Variants in RNF13 observed in about 807,000 individuals in gnomAD.
The protein encoded by RNF13 is ring finger protein 13.
In RNF13, 19 loss-of-function variants were observed where a neutral mutation model predicts 37.7. The ratio of observed to expected loss-of-function variants is 0.50; its 90% CI spans 0.35 to 0.74. The LOEUF (loss-of-function observed/expected upper bound fraction) is 0.74, where lower values mean the gene tolerates loss of function less well. Among genes scored for constraint, RNF13 ranks in the 30% least tolerant of loss-of-function variants. The pLI is 0.01. For synonymous variants in RNF13, 144 were observed against 157.8 expected (o/e 0.91, Z 0.65); for missense variants, 375 against 453.0 (o/e 0.83, Z 1.56).
intron 4 of RNF13, among the ~76,000 whole-genome samples, chr3:149,893,425 A>C (rs549054454): frequency 6.6e-6 from 1 of 152,328 alleles, no homozygotes; most frequent in East Asian, 1.9e-4. Context: ...TGTCTTTGGC[A>C]ACAGTTACTT....
chr3:149,886,003 GT>G (rs1713986782), intron 4 of RNF13, among the ~76,000 whole-genome samples: 1 of 152,160 alleles, frequency 6.6e-6, no homozygotes, highest in African/African-American at 2.4e-5. Flanking sequence ...TTTCCCCAGT[GT>G]ATGTTCTTGA....
intron 8 of RNF13, among the ~76,000 whole-genome samples, chr3:149,928,960 TTC>T (rs1490908727): frequency 1.3e-5 from 2 of 152,188 alleles, no homozygotes; most frequent in Non-Finnish European, 2.9e-5. Context: ...CTTTCTAAAT[TTC>T]TTTTATGGAT....
intron 6 of RNF13, among the ~76,000 whole-genome samples, chr3:149,909,510 C>G (rs1425157436): frequency 7.0e-6 from 1 of 142,970 alleles, no homozygotes; most frequent in Admixed American, 7.4e-5. Context: ...AGGCTAGTCT[C>G]AAACTCCTGT....
intron 6 of RNF13, among the ~76,000 whole-genome samples, chr3:149,910,331 T>C (rs945930952): frequency 1.3e-5 from 2 of 152,232 alleles, no homozygotes; most frequent in Non-Finnish European, 2.9e-5. Flanking sequence ...TGCAAAGCTA[T>C]ACAAATGTGT....
chr3:149,844,265 A>G (rs979145602), intron 1 of RNF13, among the ~76,000 whole-genome samples: 3 of 152,222 alleles, frequency 2.0e-5, no homozygotes, highest in Non-Finnish European at 2.9e-5. Flanking sequence ...GCAAAAGGAT[A>G]CAAAACAAAA....
rs532857269 is a variant in RNF13, at chr3:149,961,207, T to G, written c.*103T>G. 1 of 1,035,314 alleles carries G rather than the reference T, an allele frequency of 9.7e-7. No homozygotes were observed. The highest frequency in any genetic ancestry group is 1.6e-5 in the South Asian group (1 of 63,266). The allele number at this position is 1,035,314 out of a possible 1,614,324, so 64.1% of individuals were successfully genotyped here. ...AGATTTCTGTAGAAATAACTTATTT[T>G]TTAGTATTCTACAGTTTAATCAAAT... On this transcript the variant is annotated 3_prime_UTR_variant, in exon 10 of 10. Coordinates refer to ENST00000392894, the MANE Select transcript of RNF13 (RefSeq NM_183381.3).
chr3:149,923,597 T>C (rs1218920932), intron 8 of RNF13, among the ~76,000 whole-genome samples: 1 of 151,714 alleles, frequency 6.6e-6, no homozygotes, highest in Admixed American at 6.6e-5. Flanking sequence ...AAACCCCGTC[T>C]CTACTAAAAT....
intron 8 of RNF13, among the ~76,000 whole-genome samples, chr3:149,946,479 T>A (rs1216378015): frequency 6.6e-6 from 1 of 152,246 alleles, no homozygotes; most frequent in Non-Finnish European, 1.5e-5. Context: ...TTTTAATTAC[T>A]ATTTCAATTC....
At chr3:149,911,859 A>T (rs1717028268) in intron 6 of RNF13, 119 bp from the exon 7 acceptor site, 1 of 636,674 alleles carries the variant, frequency 1.6e-6, no homozygotes, top group African/African-American at 1.9e-5. Flanking sequence ...AAATGTATGT[A>T]GTGGATTTAA....
chr3:149,947,492 G>C (rs9681964), intron 8 of RNF13, among the ~76,000 whole-genome samples: 137,110 of 151,950 alleles, frequency 0.9, 61,958 homozygotes, highest in African/African-American at 0.94. Flanking sequence ...GCAACCTCCT[G>C]CCGCTGGGCT....
chr3:149,960,800 G>A lies in RNF13; in HGVS notation c.842G>A (p.Cys281Tyr), dbSNP rs1559980629. The A allele has an allele frequency of 6.2e-7, 1 of 1,614,022 alleles. No individual in the cohort carries two copies. The highest frequency in any genetic ancestry group is 8.5e-7 in the Non-Finnish European group (1 of 1,180,022). Reference protein sequence around the residue: ...LTKTKKTCPVCKQKVVPSQGD... With the variant: ...LTKTKKTCPVYKQKVVPSQGD... ...AAAACCAAAAAAACCTGTCCAGTGTGCAAGCAAAAAGTTGTTCCTTCTCAA... is the reference window on the plus strand; with the variant it reads ...AAAACCAAAAAAACCTGTCCAGTGTACAAGCAAAAAGTTGTTCCTTCTCAA... Residue 281 changes from cysteine to tyrosine, a missense_variant, in exon 10 of 10, where the codon TGC (cysteine) becomes TAC (tyrosine). By Grantham distance (194) the Cys-to-Tyr change is radical (BLOSUM62 -2). Coordinates refer to ENST00000392894, the MANE Select transcript of RNF13 (RefSeq NM_183381.3).
At chr3:149,919,849 C>G (rs1264101950) in intron 7 of RNF13, among the ~76,000 whole-genome samples, 1 of 152,216 alleles carries the variant, frequency 6.6e-6, no homozygotes, top group African/African-American at 2.4e-5. Flanking sequence ...TACCATTTTA[C>G]AATCCCACCA....
intron 1 of RNF13, among the ~76,000 whole-genome samples, chr3:149,830,832 A>T (rs1457646099): frequency 2.6e-5 from 4 of 152,190 alleles, no homozygotes; most frequent in African/African-American, 9.7e-5. Context: ...GAGGCCTAGG[A>T]GGAAAAAATG....
At chr3:149,873,146 T>G (rs528112958) in intron 4 of RNF13, among the ~76,000 whole-genome samples, 30 of 152,314 alleles carry the variant, frequency 2.0e-4, no homozygotes, top group African/African-American at 6.3e-4. Flanking sequence ...CAGTTAAAAT[T>G]AAATGTTATT....
chr3:149,923,960 C>A (rs1718405707), intron 8 of RNF13, among the ~76,000 whole-genome samples: 1 of 151,904 alleles, frequency 6.6e-6, no homozygotes, highest in South Asian at 2.1e-4. Context: ...TATTAGATGG[C>A]AAAGGGTATA....
chr3:149,876,822 A>G lies in RNF13; in HGVS notation c.321+4668A>G, dbSNP rs568050380. Among the ~76,000 whole-genome samples, 7 of 117,172 alleles carry G rather than the reference A, an allele frequency of 6.0e-5. No homozygotes were observed. In the South Asian group the frequency reaches 1.8e-3, roughly 30 times the overall value. The allele number at this position is 117,172 out of a possible 152,430, so 76.9% of individuals were successfully genotyped here. A position where few individuals can be genotyped will look rare whatever the true frequency, so the allele number is the denominator to read the frequency against. ...AGATGGAGTTTTGCTCTTGTTGCCC[A>G]GGCTGGAGTGCAGTAGCACGGTCTT... On this transcript the variant is annotated intron_variant, in intron 4 of 9. Transcript: ENST00000392894.
chr3:149,838,341 C>T (rs1227170668), intron 1 of RNF13, among the ~76,000 whole-genome samples: 1 of 152,230 alleles, frequency 6.6e-6, no homozygotes, highest in South Asian at 2.1e-4. Context: ...AGTAGGGACT[C>T]TGTGTGGGGG....
intron 8 of RNF13, among the ~76,000 whole-genome samples, chr3:149,955,142 C>T (rs927759935): frequency 2.0e-5 from 3 of 152,032 alleles, no homozygotes; most frequent in Admixed American, 1.3e-4. Flanking sequence ...ATGGCTTAAT[C>T]ATTGAGATTT....
intron 8 of RNF13, among the ~76,000 whole-genome samples, chr3:149,928,248 A>T (rs1718841763): frequency 6.6e-6 from 1 of 152,100 alleles, no homozygotes; most frequent in Non-Finnish European, 1.5e-5. Context: ...ATACACTGTC[A>T]AATCTAAGGT....
Sources: allele counts gnomAD v4.1 joint callset (sites outside exome capture counted in the v4.1 genomes callset), GRCh38; gene constraint gnomAD v4.1.1; transcripts MANE v1.5; gene names NCBI Gene and HGNC (gene_info 2026-07-23, HGNC 2026-07-21).